Variants in ZC3H12B observed in about 807,000 individuals in gnomAD.
ZC3H12B encodes the protein probable ribonuclease ZC3H12B.
ZC3H12B carries 7 observed loss-of-function variants against 43.9 expected under a neutral mutation model. That is an observed-to-expected ratio of 0.16 (90% confidence interval 0.09 to 0.30). The LOEUF (loss-of-function observed/expected upper bound fraction) is 0.30, where lower values mean the gene tolerates loss of function less well. Among genes scored for constraint, ZC3H12B ranks in the 10% least tolerant of loss-of-function variants. ZC3H12B has a pLI of 1.00. For missense variants in ZC3H12B, 475 were observed against 670.2 expected, an observed-to-expected ratio of 0.71 and a Z score of 3.22; for synonymous variants, 222 against 241.7, an observed-to-expected ratio of 0.92 and a Z score of 0.76.
chrX:65,476,273 C>T (rs139638481), intron 3 of ZC3H12B, among the ~76,000 whole-genome samples: 230 of 111,710 alleles, frequency 2.1e-3, no homozygotes, highest in African/African-American at 6.7e-3. Context: ...TTGTAAGTCA[C>T]GCAGACTTTC....
chrX:65,233,766 A>G, the ZC3H12B span, among the ~76,000 whole-genome samples: 1 of 111,186 alleles, frequency 9.0e-6, no homozygotes, highest in East Asian at 2.8e-4. Flanking sequence ...GGAAATTGAG[A>G]CAAAAAATAG....
At chrX:65,067,449 C>A in the ZC3H12B span, among the ~76,000 whole-genome samples, 1 of 110,524 alleles carries the variant, frequency 9.0e-6, no homozygotes, top group Non-Finnish European at 1.9e-5. Flanking sequence ...ACTCTACTTC[C>A]GCTTGCCCTC....
chrX:65,092,548 T>A, the ZC3H12B span, among the ~76,000 whole-genome samples: 1 of 111,825 alleles, frequency 8.9e-6, no homozygotes, highest in Admixed American at 9.5e-5. Flanking sequence ...GAAGCAAAGG[T>A]CACTTTTGTC....
At chrX:65,169,977 C>T in the ZC3H12B span, among the ~76,000 whole-genome samples, 1 of 111,951 alleles carries the variant, frequency 8.9e-6, no homozygotes, top group Non-Finnish European at 1.9e-5. Flanking sequence ...TGGGTCTTGA[C>T]TCTTTATCCA....
chrX:65,329,792 T>C, the ZC3H12B span, among the ~76,000 whole-genome samples: 1 of 111,742 alleles, frequency 8.9e-6, no homozygotes, highest in Non-Finnish European at 1.9e-5. Context: ...CCCAGCACCA[T>C]TTAGTAATAG....
the ZC3H12B span, among the ~76,000 whole-genome samples, chrX:65,276,604 C>G: frequency 9.0e-6 from 1 of 111,110 alleles, no homozygotes; most frequent in East Asian, 2.8e-4. Context: ...GAAAAGCTAT[C>G]CTTTGGAAAT....
At chrX:65,181,136 A>G in the ZC3H12B span, among the ~76,000 whole-genome samples, 1 of 111,767 alleles carries the variant, frequency 8.9e-6, no homozygotes, top group South Asian at 3.7e-4. Flanking sequence ...AAACCTGACA[A>G]AAACAAGCAA....
At chrX:65,181,593 A>T in the ZC3H12B span, among the ~76,000 whole-genome samples, 9 of 112,210 alleles carry the variant, frequency 8.0e-5, no homozygotes, top group African/African-American at 2.6e-4. Context: ...TGGGCAAAGG[A>T]TATGAACAGA....
chrX:65,186,993 G>A, the ZC3H12B span: 1 of 111,758 alleles, frequency 8.9e-6, no homozygotes, highest in Non-Finnish European at 1.9e-5. Flanking sequence ...TGCTATAAAC[G>A]TGTGTGCAAG....
the ZC3H12B span, among the ~76,000 whole-genome samples, chrX:65,053,700 T>C: frequency 9.0e-6 from 1 of 111,555 alleles, no homozygotes; most frequent in East Asian, 2.8e-4. Flanking sequence ...TCCACAATGG[T>C]TGAACTAGTT....
chrX:65,358,661 A>G, the ZC3H12B span, among the ~76,000 whole-genome samples: 1 of 111,554 alleles, frequency 9.0e-6, no homozygotes, highest in Non-Finnish European at 1.9e-5. Context: ...ACGTACCAGA[A>G]TCTCTGGGGC....
the ZC3H12B span, among the ~76,000 whole-genome samples, chrX:65,180,670 A>G: frequency 5.0e-4 from 56 of 111,449 alleles, 1 homozygote; most frequent in African/African-American, 1.8e-3. Flanking sequence ...CAGAATTGCT[A>G]CAAACAGCAT....
At chrX:65,212,399 T>G in the ZC3H12B span, among the ~76,000 whole-genome samples, 11 of 58,060 alleles carry the variant, frequency 1.9e-4, no homozygotes, top group Non-Finnish European at 3.1e-4. Flanking sequence ...TATAATTATA[T>G]TTATATTTAT....
the ZC3H12B span, among the ~76,000 whole-genome samples, chrX:65,069,040 T>A: frequency 9.1e-6 from 1 of 110,196 alleles, no homozygotes; most frequent in Admixed American, 9.8e-5. Context: ...TTTTCTCTTG[T>A]GATTTTAGGG....
At chrX:65,186,852 A>G in the ZC3H12B span, among the ~76,000 whole-genome samples, 1 of 112,198 alleles carries the variant, frequency 8.9e-6, no homozygotes, top group Non-Finnish European at 1.9e-5. Flanking sequence ...GGTTGCTGCG[A>G]ATGCCATTAT....
intron 3 of ZC3H12B, among the ~76,000 whole-genome samples, chrX:65,462,007 T>A (rs1638415287): frequency 9.1e-6 from 1 of 109,349 alleles, no homozygotes; most frequent in African/African-American, 3.3e-5. Context: ...ATAAATAAAA[T>A]ATAAAAAGCT....
chrX:65,145,038 T>C, the ZC3H12B span, among the ~76,000 whole-genome samples: 2 of 111,747 alleles, frequency 1.8e-5, no homozygotes, highest in South Asian at 7.5e-4. Context: ...CTTTTTTTCT[T>C]GATGACCTCT....
chrX:65,192,960 G>A, the ZC3H12B span, among the ~76,000 whole-genome samples: 5 of 110,693 alleles, frequency 4.5e-5, no homozygotes, highest in African/African-American at 1.6e-4. Flanking sequence ...TTTTAGTAGA[G>A]ACAAGGTTTC....
rs181547910 is a variant in ZC3H12B at position 65,383,392 on chromosome X, C to A, written n.295+14394C>A. ...TAATAAATGGTGCTGGGAAAACTGGCTAGCCATATGTAGAAAGCTGAAACT... is the reference window on the plus strand; with the variant it reads ...TAATAAATGGTGCTGGGAAAACTGGATAGCCATATGTAGAAAGCTGAAACT... On this transcript the variant is annotated intron_variant and non_coding_transcript_variant, in intron 2 of 5. Coordinates refer to the ZC3H12B transcript ENST00000617377. Among the ~76,000 whole-genome samples the A allele has an allele frequency of 2.3e-3, 255 of 111,843 alleles. 2 individuals carry two copies. Among genetic ancestry groups the A allele is most frequent in the African/African-American group, 7.7e-3 (236 of 30,774 alleles).
Sources: gnomAD v4.1 joint callset for allele counts (sites outside exome capture counted in the v4.1 genomes callset) on GRCh38, gnomAD v4.1.1 for gene constraint, MANE v1.5 for transcripts, NCBI Gene and HGNC (gene_info 2026-07-23, HGNC 2026-07-21) for gene names.